The following LMOD1 variants were observed in gnomAD, a reference collection of about 807,000 sequenced individuals.
LMOD1 encodes leiomodin-1.
LMOD1 carries 8 observed loss-of-function variants against 36.5 expected under a neutral mutation model. The ratio of observed to expected loss-of-function variants is 0.22; its 90% confidence interval spans 0.13 to 0.40. LMOD1 has a LOEUF of 0.40. Ranked by LOEUF, LMOD1 falls within the 10% of genes least tolerant of loss-of-function variation. The pLI, the probability that LMOD1 is intolerant of heterozygous loss-of-function variation, is 1.00. For missense variants in LMOD1, 630 were observed against 751.1 expected, an observed-to-expected ratio of 0.84 and a Z score of 1.88; for synonymous variants, 284 against 288.7, an observed-to-expected ratio of 0.98 and a Z score of 0.17.
intron 1 of LMOD1, among the ~76,000 whole-genome samples, chr1:201,911,599 A>G (rs542593641): frequency 6.6e-6 from 1 of 152,278 alleles, no homozygotes; most frequent in East Asian, 1.9e-4. Context: ...CGGGAGGTGA[A>G]GGTTGCAGTG....
intron 1 of LMOD1, among the ~76,000 whole-genome samples, chr1:201,943,813 C>T (rs1682159290): frequency 6.6e-6 from 1 of 152,206 alleles, no homozygotes; most frequent in African/African-American, 2.4e-5. Flanking sequence ...ATGGGTACTA[C>T]TATCCATATT....
intron 1 of LMOD1, among the ~76,000 whole-genome samples, chr1:201,912,735 T>C (rs1681536064): frequency 6.6e-6 from 1 of 152,034 alleles, no homozygotes; most frequent in Admixed American, 6.6e-5. Flanking sequence ...GGCGGGCGCC[T>C]GTAATCCCAG....
chr1:201,914,410 G>A (rs748985210), intron 1 of LMOD1, among the ~76,000 whole-genome samples: 84 of 152,054 alleles, frequency 5.5e-4, no homozygotes, highest in Middle Eastern at 3.2e-3. Context: ...TGTAAAACGG[G>A]GATCACATCT....
In LMOD1 at chr1:201,907,815, C is replaced by T. The variant is rs898326920; in HGVS notation, c.262-7064G>A. ...CAAGAATCCTGCTGCGGGCCTTGCT[C>T]GTTCATCCATTCACGGCCCCATTCA... On this transcript the variant is annotated intron_variant, in intron 1 of 2. Transcript: ENST00000367288. 5.3e-5 allele frequency among the ~76,000 whole-genome samples: 8 copies of T among 152,154 alleles called. No homozygotes were observed. The South Asian group carries it at 1.0e-3, about 20-fold the overall frequency.
intron 1 of LMOD1, among the ~76,000 whole-genome samples, chr1:201,922,504 T>C (rs1229243499): frequency 2.6e-5 from 4 of 152,138 alleles, no homozygotes; most frequent in Non-Finnish European, 5.9e-5. Context: ...TACGATTCCA[T>C]GTACACAAAA....
Position 201,900,666 on chromosome 1 carries a change from C to G in LMOD1, c.347G>C (p.Arg116Thr). Reference sequence around the variant, plus strand: ...CTCCTTCCCCAGATCTGAGTCCCGTCTGGGGCCCAGGGCTTTTTTGCTGGC... The same window carrying G: ...CTCCTTCCCCAGATCTGAGTCCCGTGTGGGGCCCAGGGCTTTTTTGCTGGC... Reference protein sequence around the residue: ...RDASKKALGPRRDSDLGKEPK... With the variant: ...RDASKKALGPTRDSDLGKEPK... Residue 116 changes from arginine to threonine, a missense_variant, in exon 2 of 3, where the codon AGA becomes ACA. Around this residue, in one of 3 missense-constraint regions of LMOD1, gnomAD observed 405 missense variants for 400.6 expected, o/e 1.01. Coordinates refer to ENST00000367288, the MANE Select transcript of LMOD1 (RefSeq NM_012134.3). 6.2e-7 allele frequency: 1 copy of G among 1,613,956 alleles called. No individual in the cohort carries two copies. Among genetic ancestry groups the G allele is most frequent in the Non-Finnish European group, 8.5e-7 (1 of 1,179,894 alleles).
chr1:201,921,030 CGAG>C (rs1292172219), intron 1 of LMOD1, among the ~76,000 whole-genome samples: 1 of 151,856 alleles, frequency 6.6e-6, no homozygotes, highest in Non-Finnish European at 1.5e-5. Context: ...TGGACAATGC[CGAG>C]GAGAAGTGGA....
Position 201,900,055 on chromosome 1 carries a change from C to T in LMOD1, c.958G>A (p.Glu320Lys), listed in dbSNP as rs749837868. The T allele has an allele frequency of 6.8e-6, 11 of 1,613,740 alleles. No individual in the cohort carries two copies. Among genetic ancestry groups the T allele is most frequent in the Admixed American group, 3.3e-5 (2 of 60,000 alleles). The change falls in exon 2 of 3, where the codon GAG becomes AAG. Residue 320 changes from glutamate (E) to lysine (K), a missense_variant. Glu to Lys is a moderately conservative substitution (Grantham distance 56). This residue lies in a region of LMOD1 where 405 missense variants were observed against 400.6 expected (regional missense o/e 1.01). Transcript: ENST00000367288. ...EEEAAPSIFD[E>K]PLERVKNNDP... ...TTGTTCTTCACTCTCTCCAGAGGCT[C>T]ATCAAATATGCTGGGAGCTGCCTCC...
chr1:201,926,373 A>C (rs774132031), intron 1 of LMOD1, among the ~76,000 whole-genome samples: 1 of 152,114 alleles, frequency 6.6e-6, no homozygotes, highest in Non-Finnish European at 1.5e-5. Context: ...TCTGTTTATC[A>C]TCTTGTTTGG....
chr1:201,917,060 G>T (rs749339968), intron 1 of LMOD1, among the ~76,000 whole-genome samples: 2 of 152,202 alleles, frequency 1.3e-5, no homozygotes, highest in Admixed American at 1.3e-4. Flanking sequence ...CTCTGTCTTT[G>T]TAGGGAAGGG....
intron 1 of LMOD1, among the ~76,000 whole-genome samples, chr1:201,920,083 T>A (rs1250442058): frequency 1.6e-5 from 2 of 128,486 alleles, no homozygotes; most frequent in African/African-American, 6.0e-5. Flanking sequence ...TGAGACCAAG[T>A]TTTGTTCTTG....
intron 1 of LMOD1, among the ~76,000 whole-genome samples, chr1:201,914,458 G>C (rs1231174545): frequency 1.3e-5 from 2 of 152,100 alleles, no homozygotes; most frequent in Non-Finnish European, 2.9e-5. Context: ...GAGGTGAGTG[G>C]ATAACACATC....
chr1:201,931,985 C>T (rs769594559), intron 1 of LMOD1, among the ~76,000 whole-genome samples: 32 of 149,472 alleles, frequency 2.1e-4, no homozygotes, highest in Non-Finnish European at 3.3e-4. Flanking sequence ...GCTTTGAGGG[C>T]TTGGCTGAGG....
intron 1 of LMOD1, among the ~76,000 whole-genome samples, chr1:201,915,546 A>G (rs974473367): frequency 1.3e-5 from 2 of 152,026 alleles, no homozygotes; most frequent in Admixed American, 1.3e-4. Flanking sequence ...AGTGACTCCA[A>G]TCAGAACCCG....
chr1:201,908,092 C>G (rs1681440878), intron 1 of LMOD1, among the ~76,000 whole-genome samples: 1 of 152,188 alleles, frequency 6.6e-6, no homozygotes. Context: ...GGCCAGCAGC[C>G]CCTTTCTTAG....
intron 1 of LMOD1, among the ~76,000 whole-genome samples, chr1:201,912,968 T>C (rs1681539681): frequency 6.6e-6 from 1 of 152,138 alleles, no homozygotes; most frequent in Non-Finnish European, 1.5e-5. Context: ...AACTTGAGGA[T>C]GTCCAGGGCT....
At chr1:201,939,967 T>G (rs1248277277) in intron 1 of LMOD1, among the ~76,000 whole-genome samples, 1 of 152,148 alleles carries the variant, frequency 6.6e-6, no homozygotes, top group Non-Finnish European at 1.5e-5. Context: ...CCTCACCTTC[T>G]TGTCCCAGCC....
At chr1:201,926,306 G>T (rs563279143) in intron 1 of LMOD1, among the ~76,000 whole-genome samples, 2 of 152,216 alleles carry the variant, frequency 1.3e-5, no homozygotes, top group African/African-American at 4.8e-5. Flanking sequence ...TCTTTTAGGG[G>T]CTTTGTTTCA....
intron 1 of LMOD1, among the ~76,000 whole-genome samples, chr1:201,921,727 G>A (rs1681708572): frequency 6.6e-6 from 1 of 151,914 alleles, no homozygotes; most frequent in Non-Finnish European, 1.5e-5. Context: ...TTGGGAGGCT[G>A]AGGCGGGCGG....
Sources: allele counts gnomAD v4.1 joint callset (sites outside exome capture counted in the v4.1 genomes callset), GRCh38; gene constraint gnomAD v4.1.1; regional missense constraint gnomAD v4.1.1; transcripts MANE v1.5; gene names NCBI Gene and HGNC (gene_info 2026-07-23, HGNC 2026-07-21).